Variants in DIPK1A observed in about 807,000 individuals in gnomAD.
DIPK1A encodes the protein divergent protein kinase domain 1A.
A neutral mutation model predicts 40.8 loss-of-function variants in DIPK1A; 27 were observed. The ratio of observed to expected loss-of-function variants is 0.66; its 90% confidence interval spans 0.49 to 0.91. The LOEUF (loss-of-function observed/expected upper bound fraction) is 0.91. Ranked by LOEUF, DIPK1A falls within the 40% of genes least tolerant of loss-of-function variation. The pLI, the probability that DIPK1A is intolerant of heterozygous loss-of-function variation, is 0.00. For synonymous variants in DIPK1A, 166 were observed against 171.3 expected, an observed-to-expected ratio of 0.97 and a Z score of 0.24; for missense variants, 412 against 505.7, an observed-to-expected ratio of 0.81 and a Z score of 1.78.
At chr1:92,855,844 C>T (rs1030051860) in intron 2 of DIPK1A, among the ~76,000 whole-genome samples, 3 of 152,034 alleles carry the variant, frequency 2.0e-5, no homozygotes, top group Admixed American at 2.0e-4. Flanking sequence ...CTTTGGGAGG[C>T]TGAGGAGGGT....
intron 1 of DIPK1A, among the ~76,000 whole-genome samples, chr1:92,918,495 C>A (rs1650142266): frequency 6.6e-6 from 1 of 152,202 alleles, no homozygotes; most frequent in Non-Finnish European, 1.5e-5. Flanking sequence ...AGAAATTTCT[C>A]ATTTATAAAT....
rs1687557173 is a variant in DIPK1A, at chr1:92,845,319, G to T, written c.475-1124C>A. On this transcript the variant is annotated intron_variant, in intron 4 of 4. Transcript: ENST00000370310. Reference sequence around the variant, plus strand: ...TTTTTTTTTTTTTTTTTTTGCATAGGAAGAACTGCTATGCTTTTTTTCCCG... The same window carrying T: ...TTTTTTTTTTTTTTTTTTTGCATAGTAAGAACTGCTATGCTTTTTTTCCCG... Among the ~76,000 whole-genome samples the T allele has an allele frequency of 2.7e-5, 3 of 113,056 alleles. No homozygotes were observed. The South Asian group carries it at 9.5e-4, about 36-fold the overall frequency. 74.2% of individuals were successfully genotyped at this position (113,056 alleles called of 152,430 possible). A position where few individuals can be genotyped will look rare whatever the true frequency, so the allele number is the denominator to read the frequency against.
At chr1:92,853,650 G>A (rs1687893331) in intron 2 of DIPK1A, among the ~76,000 whole-genome samples, 1 of 152,184 alleles carries the variant, frequency 6.6e-6, no homozygotes, top group South Asian at 2.1e-4. Context: ...ACTTTAAAAA[G>A]TGCTCAGTCA....
chr1:92,856,697 G>A (rs1490273068), intron 2 of DIPK1A, among the ~76,000 whole-genome samples: 5 of 152,182 alleles, frequency 3.3e-5, no homozygotes, highest in East Asian at 1.9e-4. Flanking sequence ...GATTACAGGC[G>A]TGAACCACTG....
chr1:92,891,448 C>T lies in DIPK1A; in HGVS notation c.55-15018G>A, dbSNP rs114726665. ...GGTGTTTATTGCTATAAATTTCCCT[C>T]TTAATCTGCTGTATCCCACAGGTTT... On this transcript the variant is annotated intron_variant, in intron 1 of 4. Transcript: ENST00000370310. Among the ~76,000 whole-genome samples the T allele has an allele frequency of 1.3e-3, 196 of 152,200 alleles. 2 individuals carry two copies. Among genetic ancestry groups the T allele is most frequent in the African/African-American group, 4.6e-3 (191 of 41,526 alleles).
intron 1 of DIPK1A, among the ~76,000 whole-genome samples, chr1:92,904,229 T>C (rs770575479): frequency 8.5e-4 from 129 of 152,312 alleles, no homozygotes; most frequent in Non-Finnish European, 1.6e-3. Context: ...TATTTCTAAA[T>C]AAAAGTGTTT....
chr1:92,937,197 A>G (rs1400401752), intron 1 of DIPK1A, among the ~76,000 whole-genome samples: 1 of 152,158 alleles, frequency 6.6e-6, no homozygotes, highest in Non-Finnish European at 1.5e-5. Flanking sequence ...ATGGTGGCTC[A>G]TATCTGTAAT....
chr1:92,862,520 T>C (rs1647324436), intron 2 of DIPK1A, among the ~76,000 whole-genome samples: 4 of 152,234 alleles, frequency 2.6e-5, no homozygotes, highest in Admixed American at 2.6e-4. Context: ...CCATTGTCAA[T>C]GCCATAGTTT....
At chr1:92,928,958 T>C (rs1474385509) in intron 1 of DIPK1A, among the ~76,000 whole-genome samples, 1 of 144,586 alleles carries the variant, frequency 6.9e-6, no homozygotes, top group Non-Finnish European at 1.6e-5. Flanking sequence ...TGAGACTCCA[T>C]CTCAAAGAAA....
chr1:92,871,941 T>C (rs1352556280), intron 2 of DIPK1A, among the ~76,000 whole-genome samples: 1 of 152,124 alleles, frequency 6.6e-6, no homozygotes, highest in Non-Finnish European at 1.5e-5. Flanking sequence ...CCAGAATCCA[T>C]TTGAAACCCT....
At chr1:92,834,751 T>G (rs2100680341) in intron 4 of DIPK1A, 1 of 1,612,006 alleles carries the variant, frequency 6.2e-7, no homozygotes, top group Middle Eastern at 2.1e-4. Flanking sequence ...AGCAACAGAT[T>G]ACTAACCTAG....
chr1:92,960,132 A>T (rs1652013945), intron 1 of DIPK1A, among the ~76,000 whole-genome samples: 1 of 151,702 alleles, frequency 6.6e-6, no homozygotes, highest in Non-Finnish European at 1.5e-5. Context: ...AGGGGTTGTG[A>T]CAGTGTTACT....
At chr1:92,920,158 A>T (rs1248699384) in intron 1 of DIPK1A, among the ~76,000 whole-genome samples, 1 of 152,236 alleles carries the variant, frequency 6.6e-6, no homozygotes, top group Non-Finnish European at 1.5e-5. Flanking sequence ...AATTATATCC[A>T]AGTGATATGA....
chr1:92,946,153 T>G (rs1651353524), intron 1 of DIPK1A, among the ~76,000 whole-genome samples: 1 of 152,230 alleles, frequency 6.6e-6, no homozygotes, highest in African/African-American at 2.4e-5. Flanking sequence ...CTGTTAATTC[T>G]ACGTGCTTCC....
intron 4 of DIPK1A, chr1:92,836,665 A>G: frequency 2.4e-6 from 1 of 423,414 alleles, no homozygotes; most frequent in Non-Finnish European, 4.4e-6. Context: ...CATATGACTT[A>G]ATTCTTATTA....
chr1:92,942,513 G>GT (rs887265461), intron 1 of DIPK1A, among the ~76,000 whole-genome samples: 8 of 151,286 alleles, frequency 5.3e-5, no homozygotes, highest in Non-Finnish European at 7.4e-5. Context: ...TCTTTTAGCA[G>GT]TTTTTTTTTC....
chr1:92,840,373 A>G, downstream of DIPK1A: 1 of 590,106 alleles, frequency 1.7e-6, no homozygotes, highest in South Asian at 1.9e-5. Context: ...TAAGGTGAAA[A>G]TTGGGAATTT....
intron 3 of DIPK1A, among the ~76,000 whole-genome samples, chr1:92,850,372 G>A (rs1687777908): frequency 6.6e-6 from 1 of 152,152 alleles, no homozygotes; most frequent in African/African-American, 2.4e-5. Context: ...AATATACTGG[G>A]GATAGATTAA....
At chr1:92,904,602 C>A (rs775044030) in intron 1 of DIPK1A, among the ~76,000 whole-genome samples, 40 of 152,166 alleles carry the variant, frequency 2.6e-4, no homozygotes, top group Non-Finnish European at 5.3e-4. Context: ...GAATAATAAT[C>A]AACTGAGGGT....
Sources: allele counts gnomAD v4.1 joint callset (sites outside exome capture counted in the v4.1 genomes callset), GRCh38; gene constraint gnomAD v4.1.1; transcripts MANE v1.5; gene names NCBI Gene and HGNC (gene_info 2026-07-23, HGNC 2026-07-21).